Variants in CEP290 observed in about 807,000 individuals in gnomAD.
The protein encoded by CEP290 is centrosomal protein 290.
A neutral mutation model predicts 344.9 loss-of-function variants in CEP290; 317 were observed. That is an observed-to-expected ratio of 0.92 (90% CI 0.84 to 1.01). CEP290 has a LOEUF of 1.01. Among genes scored for constraint, CEP290 ranks in the 50% least tolerant of loss-of-function variants. The pLI, the probability that CEP290 is intolerant of heterozygous loss-of-function variation, is 0.00. For missense variants in CEP290, 2,754 were observed against 2,761.4 expected, an observed-to-expected ratio of 1.00 and a Z score of 0.06; for synonymous variants, 932 against 895.8, an observed-to-expected ratio of 1.04 and a Z score of -0.72.
chr12:88,118,073 C>T (rs900751104), intron 17 of CEP290, among the ~76,000 whole-genome samples: 5 of 151,154 alleles, frequency 3.3e-5, no homozygotes, highest in African/African-American at 1.2e-4. Flanking sequence ...TAATAACTTA[C>T]AAGAAAAGCT....
rs1179874340 is a variant in CEP290, at chr12:88,055,712, T to C, written c.6824A>G (p.Tyr2275Cys). Residue 2275 changes from tyrosine (Y) to cysteine (C), a missense_variant, in exon 50 of 54, where the codon TAT becomes TGT. Tyr to Cys is a radical substitution (Grantham distance 194, BLOSUM62 -2). Transcript: ENST00000552810. ...TTCCAATTCTTTTAACTTGGTTTCA[T>C]ACATTCTAAAAGTATAAGGAAAAAA... ...SWKSIVVTRM[Y>C]ETKLKELETD... 21 of 1,516,720 alleles carry C rather than the reference T, an allele frequency of 1.4e-5. No homozygotes were observed. Among genetic ancestry groups the C allele is most frequent in the Non-Finnish European group, 1.8e-5 (20 of 1,126,928 alleles). 94.0% of individuals were successfully genotyped at this position (1,516,720 alleles called of 1,614,324 possible). A position where few individuals can be genotyped will look rare whatever the true frequency, so the allele number is the denominator to read the frequency against.
At chr12:88,091,718 G>A (rs1377575472) in intron 29 of CEP290, among the ~76,000 whole-genome samples, 1 of 151,992 alleles carries the variant, frequency 6.6e-6, no homozygotes, top group African/African-American at 2.4e-5. Flanking sequence ...GTCAAAAACT[G>A]ATATTCCCAA....
intron 18 of CEP290, chr12:88,116,075 T>C: frequency 1.0e-6 from 1 of 985,172 alleles, no homozygotes; most frequent in East Asian, 1.1e-4. Context: ...GCCTAAGTGA[T>C]AACTTCTGCA....
chr12:88,109,412 A>T (rs1156622769), intron 22 of CEP290, among the ~76,000 whole-genome samples: 1 of 152,196 alleles, frequency 6.6e-6, no homozygotes, highest in Non-Finnish European at 1.5e-5. Flanking sequence ...TTACCAGATT[A>T]CAAAGTTTTA....
At position 88,127,486 on chromosome 12, in the gene CEP290, TCAAAAA is replaced by T. The variant is rs897853859; in HGVS notation, c.943-1054_943-1049del. Reference sequence around the variant, plus strand: ...CTAAGCAACTGAGTGAGACTCTGTCTCAAAAACAAAAACAAAAACAAAAACAAAACA... The same window carrying T: ...CTAAGCAACTGAGTGAGACTCTGTCTCAAAAACAAAAACAAAAACAAAACA... On this transcript the variant is annotated intron_variant, in intron 11 of 53. Coordinates refer to ENST00000552810, the MANE Select transcript of CEP290 (RefSeq NM_025114.4). Among the ~76,000 whole-genome samples the T allele has an allele frequency of 4.5e-4, 69 of 151,972 alleles. 1 individual carries two copies. The highest frequency in any genetic ancestry group is 1.6e-3 in the Admixed American group (24 of 15,256).
rs191745648 is a variant in CEP290 at position 88,128,853 on chromosome 12, A to G, written c.942+93T>C. The G allele has an allele frequency of 1.2e-5, 8 of 678,712 alleles. No homozygotes were observed. In the East Asian group the frequency reaches 2.3e-4, roughly 20 times the overall value. 42.0% of individuals were successfully genotyped at this position (678,712 alleles called of 1,614,324 possible). A position where few individuals can be genotyped will look rare whatever the true frequency, so the allele number is the denominator to read the frequency against. ...TTAAAAACCCTAATAAACGTGTTAT[A>G]AACCAGTATAAGACATTTAAAGAAA... On this transcript the variant is annotated intron_variant, in intron 11 of 53. Coordinates refer to ENST00000552810, the MANE Select transcript of CEP290 (RefSeq NM_025114.4).
Position 88,078,162 on chromosome 12 carries a change from A to G in CEP290, c.5365-244T>C, listed in dbSNP as rs376317698. ...TAGTGTAAAGCAATTCATCTTCAAC[A>G]AACACCCACAAACAAAATTTTATCA... is the stretch of plus-strand genomic sequence containing the variant. On this transcript the variant is annotated intron_variant, in intron 39 of 53. Coordinates refer to ENST00000552810, the MANE Select transcript of CEP290 (RefSeq NM_025114.4). Among the ~76,000 whole-genome samples, 11 of 152,098 alleles carry G rather than the reference A, an allele frequency of 7.2e-5. 1 individual carries two copies. The East Asian group carries it at 1.7e-3, about 24-fold the overall frequency.
rs978362109 is a variant in CEP290 at position 88,059,038 on chromosome 12, T to C, written c.6646-18A>G. The C allele has an allele frequency of 3.2e-6, 5 of 1,581,810 alleles. No homozygotes were observed. The highest frequency in any genetic ancestry group is 4.3e-6 in the Non-Finnish European group (5 of 1,159,864). On this transcript the variant is annotated intron_variant, in intron 48 of 53. Coordinates refer to ENST00000552810, the MANE Select transcript of CEP290 (RefSeq NM_025114.4). Reference sequence around the variant, plus strand: ...TCAGTTTCCTATCATTAAATGCTAATTAGTATTTTATGAGAAAACATAATA... The same window carrying C: ...TCAGTTTCCTATCATTAAATGCTAACTAGTATTTTATGAGAAAACATAATA...
chr12:88,139,122 C>A lies in CEP290; in HGVS notation c.297+23G>T, dbSNP rs527323381. The A allele has an allele frequency of 3.3e-5, 37 of 1,130,932 alleles. No individual in the cohort carries two copies. The East Asian group carries it at 7.6e-4, about 23-fold the overall frequency. The allele number at this position is 1,130,932 out of a possible 1,614,324, so 70.1% of individuals were successfully genotyped here. A position where few individuals can be genotyped will look rare whatever the true frequency, so the allele number is the denominator to read the frequency against. ...AAATAAAATTAATGACAATTACATC[C>A]TAGGGAATACAAAAAGACATACCTC... On this transcript the variant is annotated intron_variant, in intron 5 of 53. Transcript: ENST00000552810.
Position 88,106,684 on chromosome 12 carries a change from T to C in CEP290, c.2808A>G (p.Gln936=). Residue 936 remains glutamine (Q), a synonymous_variant, in exon 25 of 54, where the codon CAA becomes CAG. Transcript: ENST00000552810. ...AEVCEKIGCL[Q]RFKEMAIFKI... Reference sequence around the variant, plus strand: ...TAAGAATCAGATGTACCTTAAATCTTTGCAAACACCCAATTTTTTCACAAA... The same window carrying C: ...TAAGAATCAGATGTACCTTAAATCTCTGCAAACACCCAATTTTTTCACAAA... 3.1e-6 allele frequency: 5 copies of C among 1,606,226 alleles called. No individual in the cohort carries two copies. The highest frequency in any genetic ancestry group is 4.2e-6 in the Non-Finnish European group (5 of 1,177,076).
At chr12:88,112,778 T>C (rs949404661) in intron 20 of CEP290, among the ~76,000 whole-genome samples, 7 of 152,184 alleles carry the variant, frequency 4.6e-5, no homozygotes, top group Admixed American at 3.9e-4. Context: ...GAGCAGGTCA[T>C]GCAGAGTAAT....
chr12:88,093,584 C>A, intron 28 of CEP290, 186 bp downstream of exon 28: 1 of 508,682 alleles, frequency 2.0e-6, no homozygotes, highest in Non-Finnish European at 3.4e-6. Flanking sequence ...GAAAAACTTA[C>A]AGAAATATCT....
chr12:88,075,770 C>T (rs2035722434), intron 41 of CEP290, among the ~76,000 whole-genome samples: 1 of 152,126 alleles, frequency 6.6e-6, no homozygotes, highest in Admixed American at 6.5e-5. Context: ...AAAATATTCT[C>T]ACTAGATTCC....
chr12:88,130,637 A>C, intron 7 of CEP290, 72 bp from the exon 8 acceptor site: 1 of 1,369,736 alleles, frequency 7.3e-7, no homozygotes, highest in Non-Finnish European at 9.6e-7. Flanking sequence ...AATAATCAGA[A>C]ACTAAAGAAA....
intron 37 of CEP290, among the ~76,000 whole-genome samples, chr12:88,081,498 T>C (rs2036197755): frequency 6.6e-6 from 1 of 152,346 alleles, no homozygotes; most frequent in East Asian, 1.9e-4. Context: ...GCATCCATAC[T>C]GAGATTCTGA....
At chr12:88,092,643 C>T (rs756213992) in intron 29 of CEP290, 38 bp downstream of exon 29, 1 of 1,562,522 alleles carries the variant, frequency 6.4e-7, no homozygotes, top group African/African-American at 1.4e-5. Context: ...AAAGAAGATA[C>T]ATCTAGTCAA....
At chr12:88,126,563 G>T (rs925442087) in intron 11 of CEP290, 125 bp from the exon 12 acceptor site, 3 of 599,116 alleles carry the variant, frequency 5.0e-6, no homozygotes, top group Non-Finnish European at 7.7e-6. Flanking sequence ...TTTGAAATGA[G>T]AAAGTATGAG....
At chr12:88,077,633 G>A in intron 40 of CEP290, 64 bp downstream of exon 40, 1 of 970,464 alleles carries the variant, frequency 1.0e-6, no homozygotes, top group Non-Finnish European at 1.5e-6. Flanking sequence ...AAATGATAAA[G>A]TAGAAATAAA....
At chr12:88,119,466 A>G (rs1341040783) in intron 15 of CEP290, among the ~76,000 whole-genome samples, 1 of 152,172 alleles carries the variant, frequency 6.6e-6, no homozygotes, top group Non-Finnish European at 1.5e-5. Flanking sequence ...AAACGTAAGT[A>G]GTCTAAATTA....
Sources: gnomAD v4.1 joint callset for allele counts (sites outside exome capture counted in the v4.1 genomes callset) on GRCh38, gnomAD v4.1.1 for gene constraint, MANE v1.5 for transcripts, NCBI Gene and HGNC (gene_info 2026-07-23, HGNC 2026-07-21) for gene names.